The following TMTC2 variants were observed in gnomAD, a reference collection of about 807,000 sequenced individuals.
TMTC2 encodes the protein transmembrane O-mannosyltransferase targeting cadherins 2, also known as protein O-mannosyl-transferase TMTC2.
Under a neutral mutation model 82.4 loss-of-function variants are expected in TMTC2, and 43 were observed. That is an observed-to-expected ratio of 0.52 (90% CI 0.41 to 0.67). TMTC2 has a LOEUF of 0.67. TMTC2 is among the 30% of genes least tolerant of loss of function. The pLI is 0.00. For synonymous variants in TMTC2, 408 were observed against 381.9 expected (o/e 1.07, Z -0.80); for missense variants, 919 against 1,012.4 (o/e 0.91, Z 1.25).
At chr12:82,823,805 C>T (rs1592551639) in intron 1 of TMTC2, among the ~76,000 whole-genome samples, 1 of 152,018 alleles carries the variant, frequency 6.6e-6, no homozygotes, top group South Asian at 2.1e-4. Flanking sequence ...CTTCTCTCTA[C>T]CCTCTGTTCA....
chr12:82,780,382 G>A (rs1877835109), intron 1 of TMTC2, among the ~76,000 whole-genome samples: 1 of 151,244 alleles, frequency 6.6e-6, no homozygotes, highest in African/African-American at 2.4e-5. Flanking sequence ...ATAACTTTCT[G>A]ATAACTTCCC....
intron 1 of TMTC2, among the ~76,000 whole-genome samples, chr12:82,722,416 AATT>A (rs1263547459): frequency 8.1e-5 from 12 of 148,830 alleles, no homozygotes; most frequent in Admixed American, 2.7e-4. Flanking sequence ...AAAAAAAAAA[AATT>A]AGCCGGGCAT....
chr12:82,993,088 G>A (rs1210805169), intron 8 of TMTC2, among the ~76,000 whole-genome samples: 3 of 151,994 alleles, frequency 2.0e-5, no homozygotes, highest in East Asian at 3.9e-4. Context: ...GGATTCAGGC[G>A]ATTCTTCTGC....
At chr12:82,999,952 A>G (rs1418342058) in intron 8 of TMTC2, among the ~76,000 whole-genome samples, 1 of 152,186 alleles carries the variant, frequency 6.6e-6, no homozygotes, top group Non-Finnish European at 1.5e-5. Flanking sequence ...TTCACAGTCC[A>G]AAGTCTCATC....
At chr12:83,129,351 T>C (rs2137572327) in intron 11 of TMTC2, among the ~76,000 whole-genome samples, 1 of 152,366 alleles carries the variant, frequency 6.6e-6, no homozygotes, top group South Asian at 2.1e-4. Context: ...CTGGTGTGGA[T>C]AATGCAAAAT....
At chr12:82,851,817 G>A (rs115730570) in intron 1 of TMTC2, among the ~76,000 whole-genome samples, 3,476 of 151,902 alleles carry the variant, frequency 0.023, 133 homozygotes, top group African/African-American at 0.079. Flanking sequence ...GCCATTTGAT[G>A]TTGGAAGAAT....
chr12:82,812,037 C>T (rs188889521), intron 1 of TMTC2, among the ~76,000 whole-genome samples: 17 of 151,996 alleles, frequency 1.1e-4, no homozygotes, highest in Admixed American at 3.9e-4. Context: ...AGGCTGGTCT[C>T]GAACTCCTGA....
intron 1 of TMTC2, among the ~76,000 whole-genome samples, chr12:82,787,313 T>C (rs558972474): frequency 2.6e-5 from 4 of 152,138 alleles, no homozygotes; most frequent in Non-Finnish European, 5.9e-5. Context: ...ACATGTGGGA[T>C]AGCTTGTTTG....
chr12:82,699,211 G>A (rs184246118), intron 1 of TMTC2, among the ~76,000 whole-genome samples: 4 of 152,216 alleles, frequency 2.6e-5, no homozygotes, highest in Non-Finnish European at 4.4e-5. Flanking sequence ...CCCATACACC[G>A]TTTCTGCTTT....
Position 82,687,145 on chromosome 12 carries a change from C to A in TMTC2, c.-442C>A. ...CCCGCGCCTCTTTCTCTCTCTTCCT[C>A]CAGCTGGTCCCAGAGCCCGGCTTGG... On this transcript the variant is annotated 5_prime_UTR_variant, in exon 1 of 12. Coordinates refer to ENST00000321196, the MANE Select transcript of TMTC2 (RefSeq NM_152588.3). 5.8e-6 allele frequency: 1 copy of A among 171,398 alleles called. No individual in the cohort carries two copies. The highest frequency in any genetic ancestry group is 1.3e-5 in the Non-Finnish European group (1 of 79,418). 10.6% of individuals were successfully genotyped at this position (171,398 alleles called of 1,614,324 possible).
In TMTC2 at chr12:82,907,323, C is replaced by T. The variant is rs537035313; in HGVS notation, c.1483+10677C>T. On this transcript the variant is annotated intron_variant, in intron 3 of 11. Transcript: ENST00000321196. ...CTAAAAATACAAAAAATTAGCTGGG[C>T]GTGGTGGTGCGCGCCTATAGTCCCA... 1.2e-4 allele frequency among the ~76,000 whole-genome samples: 18 copies of T among 151,690 alleles called. 1 individual carries two copies. Among genetic ancestry groups the T allele is most frequent in the African/African-American group, 4.1e-4 (17 of 41,356 alleles).
At chr12:82,775,459 G>T (rs1019773842) in intron 1 of TMTC2, among the ~76,000 whole-genome samples, 1 of 151,742 alleles carries the variant, frequency 6.6e-6, no homozygotes, top group Non-Finnish European at 1.5e-5. Flanking sequence ...CCAGGGGGGC[G>T]GGCGGGGAGA....
chr12:82,778,306 T>G (rs2137004587), intron 1 of TMTC2, among the ~76,000 whole-genome samples: 1 of 152,254 alleles, frequency 6.6e-6, no homozygotes, highest in South Asian at 2.1e-4. Flanking sequence ...ATTGAACATT[T>G]TACATCTGTC....
At chr12:82,801,796 C>G (rs1164100712) in intron 1 of TMTC2, among the ~76,000 whole-genome samples, 1 of 152,120 alleles carries the variant, frequency 6.6e-6, no homozygotes, top group Non-Finnish European at 1.5e-5. Flanking sequence ...ACCAGATTAG[C>G]TAGATACGGA....
intron 2 of TMTC2, among the ~76,000 whole-genome samples, chr12:82,860,362 A>T (rs533785802): frequency 6.6e-6 from 1 of 152,328 alleles, no homozygotes. Flanking sequence ...TGTGTAGGTA[A>T]CACAGAAAAT....
Position 82,997,221 on chromosome 12 carries a change from C to T in TMTC2, c.2070+11175C>T, listed in dbSNP as rs138885953. On this transcript the variant is annotated intron_variant, in intron 8 of 11. Coordinates refer to ENST00000321196, the MANE Select transcript of TMTC2 (RefSeq NM_152588.3). ...TCCCCCTCTCCCTCTCTCTCTCTCTCTATATATATATATAGTTATGTATAG... is the reference window on the plus strand; with the variant it reads ...TCCCCCTCTCCCTCTCTCTCTCTCTTTATATATATATATAGTTATGTATAG... 4.2e-5 allele frequency among the ~76,000 whole-genome samples: 5 copies of T among 118,512 alleles called. No individual in the cohort carries two copies. The East Asian group carries it at 7.1e-4, about 17-fold the overall frequency. The allele number at this position is 118,512 out of a possible 152,430, so 77.7% of individuals were successfully genotyped here. A position where few individuals can be genotyped will look rare whatever the true frequency, so the allele number is the denominator to read the frequency against.
intron 1 of TMTC2, among the ~76,000 whole-genome samples, chr12:82,807,888 G>T (rs1462450411): frequency 6.6e-6 from 1 of 151,986 alleles, no homozygotes; most frequent in Non-Finnish European, 1.5e-5. Flanking sequence ...TTAGATGGAT[G>T]ATTAGAAGAC....
At chr12:82,831,846 A>G (rs937986446) in intron 1 of TMTC2, among the ~76,000 whole-genome samples, 8 of 152,164 alleles carry the variant, frequency 5.3e-5, no homozygotes, top group Non-Finnish European at 1.0e-4. Context: ...TTCCTTTTCA[A>G]AGACTACAGA....
At chr12:82,924,165 C>A (rs188974055) in intron 3 of TMTC2, among the ~76,000 whole-genome samples, 1 of 152,310 alleles carries the variant, frequency 6.6e-6, no homozygotes, top group Admixed American at 6.5e-5. Flanking sequence ...GTTGGCTTAA[C>A]TACTTCTTGC....
Sources: gnomAD v4.1 joint callset for allele counts (sites outside exome capture counted in the v4.1 genomes callset) on GRCh38, gnomAD v4.1.1 for gene constraint, MANE v1.5 for transcripts, NCBI Gene and HGNC (gene_info 2026-07-23, HGNC 2026-07-21) for gene names.